The following ITGA9 variants were observed in gnomAD, a reference collection of about 807,000 sequenced individuals.
ITGA9 encodes integrin alpha-9.
ITGA9 carries 56 observed loss-of-function variants against 127.8 expected under a neutral mutation model. The ratio of observed to expected loss-of-function variants is 0.44; its 90% CI spans 0.35 to 0.55. ITGA9 has a LOEUF of 0.55. ITGA9 is among the 20% of genes least tolerant of loss of function. ITGA9 has a pLI of 0.00. For synonymous variants in ITGA9, 508 were observed against 514.5 expected, an observed-to-expected ratio of 0.99 and a Z score of 0.17; for missense variants, 1,196 against 1,347.1, an observed-to-expected ratio of 0.89 and a Z score of 1.76.
chr3:37,676,020 G>A (rs1700678826), intron 17 of ITGA9, among the ~76,000 whole-genome samples: 1 of 152,048 alleles, frequency 6.6e-6, no homozygotes, highest in African/African-American at 2.4e-5. Context: ...GGGATTACAG[G>A]CATGAGTCAT....
chr3:37,644,723 G>A (rs902703983), intron 16 of ITGA9, among the ~76,000 whole-genome samples: 8 of 152,148 alleles, frequency 5.3e-5, no homozygotes, highest in Non-Finnish European at 7.3e-5. Flanking sequence ...TTGGTGCCGG[G>A]TTTGTATTTA....
chr3:37,504,329 T>C (rs1234751120), intron 6 of ITGA9, among the ~76,000 whole-genome samples: 1 of 152,218 alleles, frequency 6.6e-6, no homozygotes, highest in Non-Finnish European at 1.5e-5. Context: ...ATTTTATAGA[T>C]AAACTGAGGA....
chr3:37,512,020 T>TCC (rs1559524487), intron 8 of ITGA9, among the ~76,000 whole-genome samples: 3 of 22,028 alleles, frequency 1.4e-4, no homozygotes, highest in Non-Finnish European at 2.1e-4. Context: ...TTTCTTTTCT[T>TCC]TTCTTTTCTT....
intron 18 of ITGA9, among the ~76,000 whole-genome samples, chr3:37,701,518 G>A (rs1003407057): frequency 1.3e-5 from 2 of 152,216 alleles, no homozygotes; most frequent in African/African-American, 2.4e-5. Context: ...TTCTGCCTGC[G>A]TGGTGAGGAG....
rs1697528128 is a variant in ITGA9, at chr3:37,822,685, C to G, written c.*3696C>G. The G allele has an allele frequency of 1.3e-5, 2 of 152,238 alleles. No individual in the cohort carries two copies. The highest frequency in any genetic ancestry group is 1.3e-4 in the Admixed American group (2 of 15,284). The allele number at this position is 152,238 out of a possible 1,614,324, so 9.4% of individuals were successfully genotyped here. On this transcript the variant is annotated 3_prime_UTR_variant, in exon 28 of 28. Coordinates refer to ENST00000264741, the MANE Select transcript of ITGA9 (RefSeq NM_002207.3). The stretch of plus-strand genomic sequence containing the variant: ...AACCCAACAGCACTCCTGGGAACAT[C>G]CTGTTTTCCATGCGGAAGCATAGCA...
At chr3:37,759,684 C>CT (rs1696700617) in intron 23 of ITGA9, among the ~76,000 whole-genome samples, 1 of 145,696 alleles carries the variant, frequency 6.9e-6, no homozygotes. Context: ...GGCATATCAC[C>CT]TGAGGTCAGG....
intron 15 of ITGA9, among the ~76,000 whole-genome samples, chr3:37,588,648 C>G (rs1415898146): frequency 6.6e-6 from 1 of 152,184 alleles, no homozygotes; most frequent in Non-Finnish European, 1.5e-5. Context: ...AAAGAAATAA[C>G]CAGGAGGGTC....
chr3:37,457,957 C>T (rs915387972), intron 1 of ITGA9, among the ~76,000 whole-genome samples: 1 of 152,182 alleles, frequency 6.6e-6, no homozygotes, highest in Non-Finnish European at 1.5e-5. Flanking sequence ...TGACATGCTG[C>T]TGTTCAGGAA....
At chr3:37,481,326 T>G (rs1245633009) in intron 3 of ITGA9, among the ~76,000 whole-genome samples, 158 bp from the exon 4 acceptor site, 1 of 152,222 alleles carries the variant, frequency 6.6e-6, no homozygotes, top group Non-Finnish European at 1.5e-5. Context: ...CATGCAGTTT[T>G]CTGATGCCCA....
intron 7 of ITGA9, 108 bp from the exon 8 acceptor site, chr3:37,508,451 T>C: frequency 1.2e-6 from 1 of 826,582 alleles, no homozygotes; most frequent in Non-Finnish European, 2.0e-6. Flanking sequence ...GCACATCTGC[T>C]GTGCACCTGG....
intron 4 of ITGA9, among the ~76,000 whole-genome samples, chr3:37,489,611 AT>A (rs1305334041): frequency 1.1e-4 from 16 of 150,214 alleles, no homozygotes; most frequent in East Asian, 9.8e-4. Flanking sequence ...ATTTATTTAC[AT>A]TTTTTCCCCC....
At chr3:37,585,192 A>G (rs1575158119) in intron 15 of ITGA9, among the ~76,000 whole-genome samples, 1 of 152,164 alleles carries the variant, frequency 6.6e-6, no homozygotes, top group African/African-American at 2.4e-5. Flanking sequence ...ACTGTTGTAA[A>G]TAGTCCCTTC....
chr3:37,802,921 A>G (rs1697251643), intron 26 of ITGA9, among the ~76,000 whole-genome samples: 1 of 152,232 alleles, frequency 6.6e-6, no homozygotes, highest in African/African-American at 2.4e-5. Context: ...AACTTGCCTC[A>G]TTGGAACATG....
intron 18 of ITGA9, among the ~76,000 whole-genome samples, chr3:37,722,982 A>G (rs1004683861): frequency 1.1e-4 from 16 of 152,102 alleles, no homozygotes; most frequent in Admixed American, 3.9e-4. Flanking sequence ...AGCATTTGTT[A>G]TTGTTTGTCT....
intron 12 of ITGA9, 38 bp downstream of exon 12, chr3:37,523,649 A>G (rs946569189): frequency 1.5e-6 from 2 of 1,348,468 alleles, no homozygotes; most frequent in African/African-American, 2.9e-5. Flanking sequence ...GAGATAAATG[A>G]AGATAAATGC....
intron 15 of ITGA9, among the ~76,000 whole-genome samples, chr3:37,616,074 T>C (rs1309460449): frequency 1.3e-5 from 2 of 152,270 alleles, no homozygotes. Context: ...CAATTTTAGA[T>C]CTTTCCTGCT....
chr3:37,564,314 TG>T (rs1699524601), intron 15 of ITGA9, among the ~76,000 whole-genome samples: 1 of 152,250 alleles, frequency 6.6e-6, no homozygotes, highest in Admixed American at 6.5e-5. Flanking sequence ...ATGTTTCATA[TG>T]TAGAGATTTT....
chr3:37,526,899 C>A lies in ITGA9; in HGVS notation c.1373+828C>A, dbSNP rs147383975. Reference sequence around the variant, plus strand: ...TCTCCACTGCAGGGCTACACAGCCTCCTGTTTGAGTGAGATGCCCCATGAG... The same window carrying A: ...TCTCCACTGCAGGGCTACACAGCCTACTGTTTGAGTGAGATGCCCCATGAG... On this transcript the variant is annotated intron_variant, in intron 13 of 27. Transcript: ENST00000264741. 2.3e-3 allele frequency among the ~76,000 whole-genome samples: 354 copies of A among 152,332 alleles called. No individual in the cohort carries two copies. The Middle Eastern group carries it at 0.024, about 10-fold the overall frequency.
At position 37,505,725 on chromosome 3, in the gene ITGA9, A is replaced by G. The variant is rs182092827; in HGVS notation, c.743-275A>G. On this transcript the variant is annotated intron_variant, in intron 6 of 27. Transcript: ENST00000264741. ...ACCGTATGAAAACTATGCCTTGAAAAGAAGAAAACAGATATATAGTATTTC... is the reference window on the plus strand; with the variant it reads ...ACCGTATGAAAACTATGCCTTGAAAGGAAGAAAACAGATATATAGTATTTC... Among the ~76,000 whole-genome samples the G allele has an allele frequency of 5.3e-5, 8 of 152,338 alleles. No individual in the cohort carries two copies. In the East Asian group the frequency reaches 1.5e-3, roughly 29 times the overall value.
Sources: gnomAD v4.1 joint callset for allele counts (sites outside exome capture counted in the v4.1 genomes callset) on GRCh38, gnomAD v4.1.1 for gene constraint, MANE v1.5 for transcripts, NCBI Gene and HGNC (gene_info 2026-07-23, HGNC 2026-07-21) for gene names.